TBCK: variants seen among roughly 807,000 people sequenced by gnomAD.
TBCK encodes the protein TBC domain-containing protein kinase-like protein.
A neutral mutation model predicts 113.4 loss-of-function variants in TBCK; 99 were observed. That is an observed-to-expected ratio of 0.87 (90% CI 0.74 to 1.03). The LOEUF (loss-of-function observed/expected upper bound fraction) is 1.03. TBCK is among the 50% of genes least tolerant of loss of function. The pLI is 0.00. For missense variants in TBCK, 1,045 were observed against 1,061.3 expected (o/e 0.98, Z 0.21); for synonymous variants, 369 against 370.8 (o/e 1.00, Z 0.05).
chr4:106,064,508 A>G (rs955579203), intron 25 of TBCK, among the ~76,000 whole-genome samples: 1 of 151,868 alleles, frequency 6.6e-6, no homozygotes, highest in Admixed American at 6.6e-5. Context: ...TGTGCCAAGA[A>G]TATAACAATT....
chr4:106,146,716 T>C (rs887259126), intron 23 of TBCK, among the ~76,000 whole-genome samples: 1 of 152,178 alleles, frequency 6.6e-6, no homozygotes, highest in African/African-American at 2.4e-5. Flanking sequence ...ATCAAAGTAA[T>C]GGTTGCTGAA....
chr4:106,118,562 G>C (rs548307056), intron 23 of TBCK, among the ~76,000 whole-genome samples: 1 of 152,256 alleles, frequency 6.6e-6, no homozygotes, highest in East Asian at 1.9e-4. Context: ...TTTTTCATTA[G>C]ATTGCAATCT....
Position 106,046,684 on chromosome 4 carries a change from GAA to G in TBCK, c.2572-6_2572-5del. Reference sequence around the variant, plus strand: ...TCTTCACAAGGTGAGCTGCAAACTGGAAAAAAAAAGAGGCAAAATTTTTAGAG... The same window carrying G: ...TCTTCACAAGGTGAGCTGCAAACTGGAAAAAAAGAGGCAAAATTTTTAGAG... On this transcript the variant is annotated splice_polypyrimidine_tract_variant and splice_region_variant and intron_variant, in intron 25 of 25. Transcript: ENST00000394708. 3.3e-6 allele frequency: 5 copies of G among 1,520,296 alleles called. No individual in the cohort carries two copies. The highest frequency in any genetic ancestry group is 2.7e-6 in the Non-Finnish European group (3 of 1,113,242). 94.2% of individuals were successfully genotyped at this position (1,520,296 alleles called of 1,614,324 possible).
intron 24 of TBCK, among the ~76,000 whole-genome samples, chr4:106,109,012 C>T (rs1019103879): frequency 1.4e-5 from 2 of 139,706 alleles, no homozygotes; most frequent in Non-Finnish European, 3.1e-5. Context: ...ACAACTGACA[C>T]ACACATACAC....
At chr4:106,255,994 G>A (rs1170563587) in intron 5 of TBCK, among the ~76,000 whole-genome samples, 1 of 152,128 alleles carries the variant, frequency 6.6e-6, no homozygotes, top group Non-Finnish European at 1.5e-5. Flanking sequence ...TGAGCATTCA[G>A]CCCTCAGCAG....
intron 23 of TBCK, among the ~76,000 whole-genome samples, chr4:106,154,156 C>A (rs1748854092): frequency 6.6e-6 from 1 of 151,918 alleles, no homozygotes; most frequent in Admixed American, 6.6e-5. Context: ...TTCCTGTCTT[C>A]CTTTTAGTGA....
chr4:106,120,109 G>C (rs1010056978), intron 23 of TBCK, among the ~76,000 whole-genome samples: 2 of 152,140 alleles, frequency 1.3e-5, no homozygotes, highest in African/African-American at 4.8e-5. Context: ...ATGGGTGCGC[G>C]CACCGTGCGC....
At chr4:106,274,696 T>G (rs1763829268) in intron 3 of TBCK, among the ~76,000 whole-genome samples, 1 of 152,158 alleles carries the variant, frequency 6.6e-6, no homozygotes, top group Non-Finnish European at 1.5e-5. Context: ...GACTGCTCAT[T>G]CTTTTTTGGA....
At chr4:106,281,480 T>C (rs1018698859) in intron 3 of TBCK, among the ~76,000 whole-genome samples, 6 of 152,262 alleles carry the variant, frequency 3.9e-5, no homozygotes, top group African/African-American at 1.2e-4. Flanking sequence ...AAAGTGGGTA[T>C]CCTTGCCATG....
chr4:106,153,537 T>G (rs535146959), intron 23 of TBCK, among the ~76,000 whole-genome samples: 1 of 152,132 alleles, frequency 6.6e-6, no homozygotes, highest in African/African-American at 2.4e-5. Flanking sequence ...GAAATTAATA[T>G]GTATTCTGTG....
At chr4:106,124,966 C>T (rs1260967437) in intron 23 of TBCK, among the ~76,000 whole-genome samples, 1 of 140,620 alleles carries the variant, frequency 7.1e-6, no homozygotes, top group Non-Finnish European at 1.5e-5. Flanking sequence ...CTAACCTGCA[C>T]AATGTGCACA....
chr4:106,147,819 T>G (rs1216258463), intron 23 of TBCK, among the ~76,000 whole-genome samples: 1 of 152,208 alleles, frequency 6.6e-6, no homozygotes, highest in African/African-American at 2.4e-5. Context: ...ACAAGAGAGA[T>G]AACCTTAAAC....
intron 20 of TBCK, among the ~76,000 whole-genome samples, chr4:106,200,656 A>G (rs1402578709): frequency 6.6e-6 from 1 of 152,044 alleles, no homozygotes; most frequent in Non-Finnish European, 1.5e-5. Flanking sequence ...TAATATATTT[A>G]TCTTCATTAT....
At chr4:106,116,825 T>C (rs566834460) in intron 23 of TBCK, among the ~76,000 whole-genome samples, 21 of 152,204 alleles carry the variant, frequency 1.4e-4, no homozygotes, top group African/African-American at 5.1e-4. Context: ...CTAGATAGGA[T>C]CATCTAGTTG....
At chr4:106,151,013 A>G (rs1402374234) in intron 23 of TBCK, among the ~76,000 whole-genome samples, 1 of 151,918 alleles carries the variant, frequency 6.6e-6, no homozygotes, top group African/African-American at 2.4e-5. Context: ...GTTTTTATGT[A>G]TGTATGTTTG....
intron 3 of TBCK, among the ~76,000 whole-genome samples, chr4:106,282,055 A>T (rs1764651705): frequency 6.6e-6 from 1 of 152,052 alleles, no homozygotes; most frequent in Non-Finnish European, 1.5e-5. Flanking sequence ...TTGCTGGGAG[A>T]CTTTTTATTA....
intron 12 of TBCK, among the ~76,000 whole-genome samples, chr4:106,240,361 G>GA (rs1759956241): frequency 7.4e-6 from 1 of 134,590 alleles, no homozygotes; most frequent in Admixed American, 7.7e-5. Context: ...AATGAGAAAA[G>GA]ATGAAGTGAG....
At chr4:106,125,417 G>A (rs74785291) in intron 23 of TBCK, among the ~76,000 whole-genome samples, 2 of 151,944 alleles carry the variant, frequency 1.3e-5, no homozygotes, top group African/African-American at 2.4e-5. Flanking sequence ...AAATCCTGCC[G>A]AGTGAGGTGG....
At chr4:106,217,252 G>T (rs1186910245) in intron 19 of TBCK, among the ~76,000 whole-genome samples, 1 of 152,074 alleles carries the variant, frequency 6.6e-6, no homozygotes, top group Non-Finnish European at 1.5e-5. Flanking sequence ...GAAACCCACA[G>T]CCAATATCAT....
Sources: gnomAD v4.1 joint callset for allele counts (sites outside exome capture counted in the v4.1 genomes callset) on GRCh38, gnomAD v4.1.1 for gene constraint, MANE v1.5 for transcripts, NCBI Gene and HGNC (gene_info 2026-07-23, HGNC 2026-07-21) for gene names.